The following MIB1 variants were observed in gnomAD, a reference collection of about 807,000 sequenced individuals.
MIB1 encodes the protein MIB E3 ubiquitin protein ligase 1, also known as E3 ubiquitin-protein ligase MIB1.
In MIB1, 278 loss-of-function variants were observed where a neutral mutation model predicts 124.5. That is an observed-to-expected ratio of 2.23 (90% CI 2.02 to 2.47). The LOEUF (loss-of-function observed/expected upper bound fraction) is 2.47, where lower values mean the gene tolerates loss of function less well. Ranked by LOEUF, MIB1 falls within the 30% of genes most tolerant of loss-of-function variation. MIB1 has a pLI of 0.00. For missense variants in MIB1, 957 were observed against 1,254.4 expected (o/e 0.76, Z 3.58); for synonymous variants, 446 against 429.4 (o/e 1.04, Z -0.48).
At position 21,794,040 on chromosome 18, in the gene MIB1, G is replaced by A. The variant is rs142903177; in HGVS notation, c.1092+2483G>A. 3.3e-5 allele frequency: 5 copies of A among 152,146 alleles called. No individual in the cohort carries two copies. In the East Asian group the frequency reaches 9.7e-4, roughly 29 times the overall value. 9.4% of individuals were successfully genotyped at this position (152,146 alleles called of 1,614,324 possible). A position where few individuals can be genotyped will look rare whatever the true frequency, so the allele number is the denominator to read the frequency against. ...TGAACCCCAGGTTGCCTGTGGCGTG[G>A]GGAACTGGCCCAAAATCAAAAACAG... On this transcript the variant is annotated intron_variant, in intron 7 of 20. Transcript: ENST00000261537.
intron 1 of MIB1, among the ~76,000 whole-genome samples, chr18:21,744,395 T>TAAA (rs2040890287): frequency 6.6e-6 from 1 of 152,202 alleles, no homozygotes; most frequent in Non-Finnish European, 1.5e-5. Flanking sequence ...ACCCACCTTC[T>TAAA]TCAGCTGTTA....
chr18:21,819,404 C>T, intron 11 of MIB1, 91 bp from the exon 12 acceptor site: 1 of 755,940 alleles, frequency 1.3e-6, no homozygotes, highest in Non-Finnish European at 2.1e-6. Flanking sequence ...GATGTGGTCT[C>T]TGCTTCTGTT....
chr18:21,846,271 G>A (rs146805113), intron 15 of MIB1, among the ~76,000 whole-genome samples: 19 of 152,184 alleles, frequency 1.2e-4, no homozygotes, highest in Middle Eastern at 3.4e-3. Flanking sequence ...TCTTAGCTCG[G>A]TGTGCCTCTT....
intron 1 of MIB1, among the ~76,000 whole-genome samples, chr18:21,707,495 A>C (rs916297462): frequency 2.6e-5 from 4 of 152,138 alleles, no homozygotes; most frequent in African/African-American, 9.7e-5. Flanking sequence ...TTTGCAGTAA[A>C]TCTTGCTGCT....
In MIB1 at chr18:21,838,428, T is replaced by TG; in HGVS notation, c.1895dup (p.Tyr633LeufsTer10). The stretch of plus-strand genomic sequence containing the variant: ...GGATTGTGGATGAGAAGAAAGATGA[T>TG]GGTTATACTGCCTTACATCTGGCTG... On this transcript the variant is annotated frameshift_variant, in exon 13 of 21. Coordinates refer to ENST00000261537, the MANE Select transcript of MIB1 (RefSeq NM_020774.4). LOFTEE classifies it high-confidence loss of function. 1.2e-6 allele frequency: 2 copies of TG among 1,610,628 alleles called. No individual in the cohort carries two copies. The highest frequency in any genetic ancestry group is 1.1e-5 in the South Asian group (1 of 90,682).
intron 14 of MIB1, among the ~76,000 whole-genome samples, chr18:21,843,848 G>A (rs1002064111): frequency 1.9e-4 from 29 of 152,114 alleles, no homozygotes; most frequent in African/African-American, 7.0e-4. Context: ...GATGAATTAA[G>A]CAACATATTG....
rs1046538151 is a variant in MIB1 at position 21,740,817 on chromosome 18, G to T, written c.-767G>T. 1.3e-5 allele frequency among the ~76,000 whole-genome samples: 2 copies of T among 152,242 alleles called. No homozygotes were observed. The highest frequency in any genetic ancestry group is 2.1e-4 in the South Asian group (1 of 4,836). ...CTTGGACCCTGGAGAGACGCTTAGG[G>T]ATCAGTTTTCTCCTCCTTTCTTCCC... is the stretch of plus-strand genomic sequence containing the variant. On this transcript the variant is annotated 5_prime_UTR_variant, in exon 1 of 21. Transcript: ENST00000261537.
At chr18:21,836,702 A>G (rs1227310125) in intron 12 of MIB1, among the ~76,000 whole-genome samples, 32 of 152,192 alleles carry the variant, frequency 2.1e-4, no homozygotes, top group Non-Finnish European at 4.4e-5. Flanking sequence ...TTTGTTTTTA[A>G]TAAAACGTTT....
At chr18:21,709,158 TA>T (rs2040654372) in intron 1 of MIB1, among the ~76,000 whole-genome samples, 2 of 151,850 alleles carry the variant, frequency 1.3e-5, no homozygotes, top group Admixed American at 1.3e-4. Flanking sequence ...CTGCTAAAAA[TA>T]CAAAAAAAAT....
chr18:21,757,452 A>C (rs2041045966), intron 1 of MIB1, among the ~76,000 whole-genome samples: 1 of 37,702 alleles, frequency 2.7e-5, no homozygotes, highest in Non-Finnish European at 6.0e-5. Flanking sequence ...ACTCTGTCTC[A>C]AAAAAAAAAA....
chr18:21,852,872 A>G (rs968110008), intron 17 of MIB1, among the ~76,000 whole-genome samples: 6 of 152,190 alleles, frequency 3.9e-5, no homozygotes, highest in South Asian at 2.1e-4. Flanking sequence ...AGGCTTCCTC[A>G]GAGGAAATGG....
intron 12 of MIB1, chr18:21,831,290 A>G (rs1267932609): frequency 7.0e-5 from 9 of 128,996 alleles, no homozygotes; most frequent in Non-Finnish European, 1.3e-4. Flanking sequence ...TTTAGTTTCC[A>G]GGATTAAATA....
Position 21,867,097 on chromosome 18 carries a change from T to TA in MIB1, c.*2437dup, listed in dbSNP as rs934164364. On this transcript the variant is annotated 3_prime_UTR_variant, in exon 21 of 21. Coordinates refer to ENST00000261537, the MANE Select transcript of MIB1 (RefSeq NM_020774.4). Reference sequence around the variant, plus strand: ...CTTTTACTTTTCTTAGAAACATTTATAAAAAAGAAAAAAACTGACACGCAT... The same window carrying TA: ...CTTTTACTTTTCTTAGAAACATTTATAAAAAAAGAAAAAAACTGACACGCAT... The TA allele has an allele frequency of 8.5e-5, 13 of 152,504 alleles. No individual in the cohort carries two copies. The highest frequency in any genetic ancestry group is 1.5e-4 in the Non-Finnish European group (10 of 68,004). The allele number at this position is 152,504 out of a possible 1,614,324, so 9.4% of individuals were successfully genotyped here.
chr18:21,803,858 G>A (rs778778539), intron 9 of MIB1, 49 bp from the exon 10 acceptor site: 2 of 1,404,998 alleles, frequency 1.4e-6, no homozygotes, highest in East Asian at 2.3e-5. Context: ...TATATTGCCT[G>A]TTTCTGATTA....
At chr18:21,800,435 A>G (rs1032969423) in intron 9 of MIB1, among the ~76,000 whole-genome samples, 3 of 152,138 alleles carry the variant, frequency 2.0e-5, no homozygotes, top group African/African-American at 7.2e-5. Flanking sequence ...ATAGTTGACT[A>G]TTTCACAATT....
At chr18:21,793,286 C>A (rs1051114306) in intron 7 of MIB1, among the ~76,000 whole-genome samples, 5 of 152,132 alleles carry the variant, frequency 3.3e-5, no homozygotes, top group Non-Finnish European at 7.4e-5. Flanking sequence ...TCAAAACTAA[C>A]CAGCCAAAGC....
At chr18:21,790,973 G>A (rs9962019) in intron 6 of MIB1, among the ~76,000 whole-genome samples, 2,534 of 152,170 alleles carry the variant, frequency 0.017, 65 homozygotes, top group African/African-American at 0.054. Flanking sequence ...GGAGGCTGAG[G>A]CAGGCAGATC....
intron 1 of MIB1, among the ~76,000 whole-genome samples, chr18:21,710,393 C>T (rs938373666): frequency 1.1e-4 from 17 of 152,102 alleles, no homozygotes; most frequent in Admixed American, 6.6e-5. Context: ...TGCACCTGGC[C>T]TTGAAATACT....
At chr18:21,860,127 G>GTTTTTTTTT (rs2042264574) in intron 20 of MIB1, among the ~76,000 whole-genome samples, 1 of 27,212 alleles carries the variant, frequency 3.7e-5, no homozygotes, top group African/African-American at 4.4e-4. Flanking sequence ...TTTTTTTTTA[G>GTTTTTTTTT]AGTCTCACTC....
Sources: gnomAD v4.1 joint callset for allele counts (sites outside exome capture counted in the v4.1 genomes callset) on GRCh38, gnomAD v4.1.1 for gene constraint, MANE v1.5 for transcripts, NCBI Gene and HGNC (gene_info 2026-07-23, HGNC 2026-07-21) for gene names.